The following LRMDA variants were observed in gnomAD, a reference collection of about 807,000 sequenced individuals.
LRMDA encodes leucine rich melanocyte differentiation associated, also known as leucine-rich melanocyte differentiation-associated protein.
In LRMDA, 18 loss-of-function variants were observed where a neutral mutation model predicts 29.8. That is an observed-to-expected ratio of 0.60 (90% CI 0.42 to 0.90). LRMDA has a LOEUF of 0.90. LRMDA is among the 40% of genes least tolerant of loss of function. The pLI is 0.00. For synonymous variants in LRMDA, 125 were observed against 109.4 expected (o/e 1.14, Z -0.89); for missense variants, 273 against 273.9 (o/e 1.00, Z 0.02).
intron 5 of LRMDA, among the ~76,000 whole-genome samples, chr10:76,190,831 G>A (rs1301621822): frequency 6.6e-6 from 1 of 152,174 alleles, no homozygotes; most frequent in Non-Finnish European, 1.5e-5. Flanking sequence ...ATAAGGGATT[G>A]GTTGCCTGAA....
chr10:76,206,685 C>A (rs1851543043), intron 5 of LRMDA, among the ~76,000 whole-genome samples: 1 of 152,182 alleles, frequency 6.6e-6, no homozygotes, highest in South Asian at 2.1e-4. Flanking sequence ...CCATGAGGCT[C>A]CCAAGTTAAA....
intron 2 of LRMDA, among the ~76,000 whole-genome samples, chr10:76,016,822 G>C (rs777350360): frequency 6.6e-6 from 1 of 152,206 alleles, no homozygotes; most frequent in Non-Finnish European, 1.5e-5. Context: ...TTTGACCGCC[G>C]CATCAGTGCT....
intron 2 of LRMDA, among the ~76,000 whole-genome samples, chr10:76,011,646 T>G (rs1847783554): frequency 6.6e-6 from 1 of 152,192 alleles, no homozygotes; most frequent in South Asian, 2.1e-4. Flanking sequence ...TTCCTTAAGA[T>G]TAACGCCTCC....
intron 6 of LRMDA, among the ~76,000 whole-genome samples, chr10:76,442,777 GC>G (rs1456955331): frequency 6.6e-6 from 1 of 152,286 alleles, no homozygotes; most frequent in East Asian, 1.9e-4. Flanking sequence ...TTTTAGGCGT[GC>G]ATAGAAATAT....
At position 75,851,378 on chromosome 10, in the gene LRMDA, G is replaced by A. The variant is rs376690534; in HGVS notation, c.132-184630G>A. Among the ~76,000 whole-genome samples the A allele has an allele frequency of 4.0e-4, 61 of 152,266 alleles. No homozygotes were observed. The South Asian group carries it at 0.012, about 31-fold the overall frequency. On this transcript the variant is annotated intron_variant, in intron 2 of 6. Transcript: ENST00000611255. ...TGTTTTTCTATTCTTATCCTGTTGT[G>A]TCTTGCCTCCTGGCTTCTCTCTTTT...
intron 2 of LRMDA, among the ~76,000 whole-genome samples, chr10:75,701,687 G>A (rs893874477): frequency 6.6e-6 from 1 of 152,182 alleles, no homozygotes; most frequent in African/African-American, 2.4e-5. Context: ...GCTGAATCAT[G>A]AGCTGAGTCA....
At chr10:75,521,518 G>A (rs1178035327) in intron 2 of LRMDA, among the ~76,000 whole-genome samples, 1 of 152,212 alleles carries the variant, frequency 6.6e-6, no homozygotes, top group Admixed American at 6.5e-5. Flanking sequence ...ACCGAGCCAG[G>A]CACGGGAGAG....
At chr10:75,528,535 T>C (rs2132041350) in intron 2 of LRMDA, among the ~76,000 whole-genome samples, 1 of 152,304 alleles carries the variant, frequency 6.6e-6, no homozygotes, top group Non-Finnish European at 1.5e-5. Context: ...TGAGAAGACA[T>C]TGACCAGACC....
intron 5 of LRMDA, 80 bp downstream of exon 5, chr10:76,058,863 C>A: frequency 9.1e-7 from 1 of 1,099,340 alleles, no homozygotes; most frequent in Non-Finnish European, 1.4e-6. Context: ...GCAGAATGTC[C>A]TCTGAGTGTT....
chr10:75,715,805 T>C (rs2132182265), intron 2 of LRMDA, among the ~76,000 whole-genome samples: 1 of 152,006 alleles, frequency 6.6e-6, no homozygotes, highest in East Asian at 1.9e-4. Flanking sequence ...TTCCCTCCCT[T>C]TTCCCTCCCG....
intron 2 of LRMDA, among the ~76,000 whole-genome samples, chr10:75,638,421 A>G (rs1212307698): frequency 6.6e-6 from 1 of 152,246 alleles, no homozygotes; most frequent in Non-Finnish European, 1.5e-5. Context: ...GCCAATTTGT[A>G]AAAACTGTGT....
At chr10:76,334,240 G>C (rs1056947243) in intron 6 of LRMDA, among the ~76,000 whole-genome samples, 1 of 152,202 alleles carries the variant, frequency 6.6e-6, no homozygotes, top group African/African-American at 2.4e-5. Context: ...TTGTTCAGCC[G>C]TGAGCTCGGC....
chr10:76,150,690 C>T (rs577536614), intron 5 of LRMDA, among the ~76,000 whole-genome samples: 15 of 152,290 alleles, frequency 9.8e-5, no homozygotes, highest in Non-Finnish European at 1.6e-4. Context: ...TCTTTGTTCA[C>T]TGTTGTGTTT....
intron 6 of LRMDA, chr10:76,433,799 C>A (rs1842216583): frequency 6.6e-6 from 1 of 152,240 alleles, no homozygotes; most frequent in South Asian, 2.1e-4. Context: ...CAAATTCTAA[C>A]CCTCTTAGAG....
At chr10:75,523,984 C>T (rs956411745) in intron 2 of LRMDA, among the ~76,000 whole-genome samples, 6 of 152,244 alleles carry the variant, frequency 3.9e-5, no homozygotes, top group Admixed American at 2.6e-4. Flanking sequence ...TTTATCACTC[C>T]GAGCTTTGGT....
At chr10:76,479,990 T>G (rs1285072602) in intron 6 of LRMDA, among the ~76,000 whole-genome samples, 1 of 152,004 alleles carries the variant, frequency 6.6e-6, no homozygotes, top group East Asian at 1.9e-4. Context: ...CTCTGATGAA[T>G]AATAACGTTC....
At chr10:75,564,207 C>G (rs1840339937) in intron 2 of LRMDA, among the ~76,000 whole-genome samples, 1 of 152,218 alleles carries the variant, frequency 6.6e-6, no homozygotes, top group South Asian at 2.1e-4. Flanking sequence ...TTCCCGGCTG[C>G]TTTGTTTACC....
At chr10:76,458,930 C>T (rs893115244) in intron 6 of LRMDA, among the ~76,000 whole-genome samples, 1 of 152,152 alleles carries the variant, frequency 6.6e-6, no homozygotes, top group Non-Finnish European at 1.5e-5. Context: ...ACCTTTCTCT[C>T]TTCTGATTGT....
At chr10:76,091,142 CTG>C (rs1334645880) in intron 5 of LRMDA, among the ~76,000 whole-genome samples, 1 of 152,158 alleles carries the variant, frequency 6.6e-6, no homozygotes, top group Admixed American at 6.5e-5. Flanking sequence ...CTCTTCTCAA[CTG>C]TGAAATAATA....
Sources: gnomAD v4.1 joint callset for allele counts (sites outside exome capture counted in the v4.1 genomes callset) on GRCh38, gnomAD v4.1.1 for gene constraint, MANE v1.5 for transcripts, NCBI Gene and HGNC (gene_info 2026-07-23, HGNC 2026-07-21) for gene names.